The following TLE1 variants were observed in gnomAD, a reference collection of about 807,000 sequenced individuals.
The protein encoded by TLE1 is transducin-like enhancer protein 1.
A neutral mutation model predicts 89.8 loss-of-function variants in TLE1; 21 were observed. That is an observed-to-expected ratio of 0.23 (90% CI 0.17 to 0.34). The LOEUF (loss-of-function observed/expected upper bound fraction) is 0.34, where lower values mean the gene tolerates loss of function less well. TLE1 is among the 10% of genes least tolerant of loss of function. The pLI, the probability that TLE1 is intolerant of heterozygous loss-of-function variation, is 1.00. For missense variants in TLE1, 795 were observed against 1,031.2 expected (o/e 0.77, Z 3.14); for synonymous variants, 447 against 407.6 (o/e 1.10, Z -1.16).
intron 4 of TLE1, among the ~76,000 whole-genome samples, chr9:81,682,338 A>G (rs1345516345): frequency 6.6e-6 from 1 of 151,984 alleles, no homozygotes; most frequent in African/African-American, 2.4e-5. Flanking sequence ...CGTGGCCTTG[A>G]GCAAGTCCCA....
At position 81,688,972 on chromosome 9, in the gene TLE1, C is replaced by T. The variant is rs1398876566; in HGVS notation, c.-732G>A. On this transcript the variant is annotated 5_prime_UTR_variant, in exon 1 of 20. Coordinates refer to ENST00000376499, the MANE Select transcript of TLE1 (RefSeq NM_005077.5). Reference sequence around the variant, plus strand: ...CGTGCGACCAGCACTCGGTGTTCTCCGCGGTTGCACAAACCCTCCGGGCCC... The same window carrying T: ...CGTGCGACCAGCACTCGGTGTTCTCTGCGGTTGCACAAACCCTCCGGGCCC... The T allele has an allele frequency of 6.6e-6, 1 of 152,256 alleles. No individual in the cohort carries two copies. The highest frequency in any genetic ancestry group is 1.5e-5 in the Non-Finnish European group (1 of 68,138). The allele number at this position is 152,256 out of a possible 1,614,324, so 9.4% of individuals were successfully genotyped here. A position where few individuals can be genotyped will look rare whatever the true frequency, so the allele number is the denominator to read the frequency against.
intron 4 of TLE1, among the ~76,000 whole-genome samples, chr9:81,669,236 G>C (rs1353200088): frequency 1.3e-5 from 2 of 152,340 alleles, no homozygotes. Flanking sequence ...GTGAGGATGA[G>C]AGGAAAATCG....
chr9:81,654,543 G>A (rs560346816), intron 4 of TLE1, among the ~76,000 whole-genome samples: 2 of 152,030 alleles, frequency 1.3e-5, no homozygotes, highest in African/African-American at 4.8e-5. Context: ...GGGTTTCACC[G>A]TGTTAGCCAG....
intron 8 of TLE1, among the ~76,000 whole-genome samples, chr9:81,628,083 T>G (rs1826118464): frequency 6.6e-6 from 1 of 152,218 alleles, no homozygotes; most frequent in Admixed American, 6.5e-5. Context: ...TGTTTTAATT[T>G]AAAAAACAAA....
At chr9:81,606,480 A>G (rs1011900788) in intron 14 of TLE1, among the ~76,000 whole-genome samples, 4 of 152,186 alleles carry the variant, frequency 2.6e-5, no homozygotes, top group African/African-American at 9.7e-5. Flanking sequence ...AGGGACATGG[A>G]TGAAGCTGGA....
At chr9:81,639,572 GTTGTTTTTTTTTT>G (rs1416637936) in intron 6 of TLE1, among the ~76,000 whole-genome samples, 4 of 141,644 alleles carry the variant, frequency 2.8e-5, no homozygotes, top group African/African-American at 5.2e-5. Flanking sequence ...ATTAGTAAAA[GTTGTTTTTTTTTT>G]TTGTTTTTTT....
In TLE1 at chr9:81,616,590, T is replaced by C. The variant is rs530316155; in HGVS notation, c.765+56A>G. 68 of 1,596,456 alleles carry C rather than the reference T, an allele frequency of 4.3e-5. No homozygotes were observed. The East Asian group carries it at 1.5e-3, about 34-fold the overall frequency. On this transcript the variant is annotated intron_variant, in intron 10 of 19. Transcript: ENST00000376499. ...TTCCTTCATTCACTGTTAGTTTTTTTTCATAACATTATTCAAATCATTCTG... is the reference window on the plus strand; with the variant it reads ...TTCCTTCATTCACTGTTAGTTTTTTCTCATAACATTATTCAAATCATTCTG...
At chr9:81,659,579 C>G (rs1163053580) in intron 4 of TLE1, among the ~76,000 whole-genome samples, 1 of 152,168 alleles carries the variant, frequency 6.6e-6, no homozygotes, top group African/African-American at 2.4e-5. Flanking sequence ...TGGATGGCCA[C>G]CACCTACTGA....
intron 17 of TLE1, 60 bp downstream of exon 17, chr9:81,587,621 G>A (rs1828705500): frequency 1.1e-5 from 17 of 1,536,280 alleles, no homozygotes; most frequent in Non-Finnish European, 1.4e-5. Context: ...GGGTTGTGAG[G>A]AGGAAGACAC....
intron 6 of TLE1, among the ~76,000 whole-genome samples, chr9:81,651,543 C>T (rs1829533996): frequency 6.6e-6 from 1 of 152,096 alleles, no homozygotes; most frequent in Non-Finnish European, 1.5e-5. Flanking sequence ...AGAGAGCGCT[C>T]TTTTCATTGG....
At chr9:81,642,530 TAAAAA>T (rs35355418) in intron 6 of TLE1, among the ~76,000 whole-genome samples, 2 of 147,554 alleles carry the variant, frequency 1.4e-5, no homozygotes, top group African/African-American at 2.5e-5. Context: ...CGTCTCTACT[TAAAAA>T]AAAAAAAAAT....
Position 81,584,251 on chromosome 9 carries a change from T to G in TLE1, c.2260A>C (p.Ile754Leu). The G allele has an allele frequency of 6.2e-7, 1 of 1,614,226 alleles. No homozygotes were observed. Among genetic ancestry groups the G allele is most frequent in the Non-Finnish European group, 8.5e-7 (1 of 1,180,036 alleles). ...SCDISVDDKY[I>L]VTGSGDKKAT... Reference sequence around the variant, plus strand: ...TTCTTGTCCCCCGAGCCAGTGACTATGTACTTATCATCCACAGAGATGTCA... The same window carrying G: ...TTCTTGTCCCCCGAGCCAGTGACTAGGTACTTATCATCCACAGAGATGTCA... Residue 754 changes from isoleucine to leucine, a missense_variant, in exon 20 of 20, where the codon ATA (isoleucine) becomes CTA (leucine). Physicochemically the swap from Ile to Leu is conservative, Grantham distance 5. This residue lies in a region of TLE1 where 214 missense variants were observed against 354.9 expected (regional missense o/e 0.60). Transcript: ENST00000376499.
chr9:81,584,344 C>A (rs141902665), intron 19 of TLE1, 39 bp from the exon 20 acceptor site: 1 of 1,610,434 alleles, frequency 6.2e-7, no homozygotes, highest in South Asian at 1.1e-5. Flanking sequence ...TAATGTGGAA[C>A]AACGGTACTC....
chr9:81,675,011 A>C (rs920649352), intron 4 of TLE1, among the ~76,000 whole-genome samples: 5 of 152,146 alleles, frequency 3.3e-5, no homozygotes, highest in Non-Finnish European at 5.9e-5. Context: ...TCAAAAAATA[A>C]ATTTTAAAAA....
intron 14 of TLE1, among the ~76,000 whole-genome samples, chr9:81,594,855 T>G (rs1829992904): frequency 6.6e-6 from 1 of 152,212 alleles, no homozygotes; most frequent in Non-Finnish European, 1.5e-5. Flanking sequence ...TCTAGCACCC[T>G]GCACTTAAAA....
chr9:81,669,620 C>T (rs1026254427), intron 4 of TLE1, among the ~76,000 whole-genome samples: 3 of 151,876 alleles, frequency 2.0e-5, no homozygotes, highest in African/African-American at 7.2e-5. Flanking sequence ...CCTCCCCCCC[C>T]ACACCAAAAG....
intron 4 of TLE1, among the ~76,000 whole-genome samples, chr9:81,666,757 A>G (rs529653429): frequency 6.7e-6 from 1 of 150,064 alleles, no homozygotes; most frequent in East Asian, 2.0e-4. Context: ...CCTGGGTGAC[A>G]GAGCAAGACT....
In TLE1 at chr9:81,657,904, A is replaced by ATTT. The variant is rs34624864; in HGVS notation, c.235-3871_235-3869dup. Among the ~76,000 whole-genome samples the ATTT allele has an allele frequency of 5.9e-3, 785 of 133,994 alleles. 2 individuals are homozygous for ATTT. Among genetic ancestry groups the ATTT allele is most frequent in the African/African-American group, 8.3e-3 (292 of 35,330 alleles). The allele number at this position is 133,994 out of a possible 152,430, so 87.9% of individuals were successfully genotyped here. A position where few individuals can be genotyped will look rare whatever the true frequency, so the allele number is the denominator to read the frequency against. ...TCTGTACATGTTCACTACAGACATA[A>ATTT]TTTTTTTTTTTTTTTTTTTTTTTAA... On this transcript the variant is annotated intron_variant, in intron 4 of 19. Coordinates refer to ENST00000376499, the MANE Select transcript of TLE1 (RefSeq NM_005077.5).
intron 14 of TLE1, among the ~76,000 whole-genome samples, chr9:81,604,680 G>C (rs1831404477): frequency 6.6e-6 from 1 of 152,152 alleles, no homozygotes; most frequent in Non-Finnish European, 1.5e-5. Flanking sequence ...CTTGAACCAT[G>C]GATGAGCATT....
Sources: gnomAD v4.1 joint callset for allele counts (sites outside exome capture counted in the v4.1 genomes callset) on GRCh38, gnomAD v4.1.1 for gene constraint, gnomAD v4.1.1 regional missense constraint, MANE v1.5 for transcripts, NCBI Gene and HGNC (gene_info 2026-07-23, HGNC 2026-07-21) for gene names.